The following PIKFYVE variants were observed in gnomAD, a reference collection of about 807,000 sequenced individuals.
PIKFYVE encodes the protein phosphoinositide kinase, FYVE-type zinc finger containing.
A neutral mutation model predicts 257.9 loss-of-function variants in PIKFYVE; 122 were observed. The ratio of observed to expected loss-of-function variants is 0.47; its 90% confidence interval spans 0.41 to 0.55. The LOEUF is 0.55. Ranked by LOEUF, PIKFYVE falls within the 20% of genes least tolerant of loss-of-function variation. The probability of loss-of-function intolerance (pLI) is 0.00; values close to 1 mark genes in which losing one functional copy is unlikely to be tolerated. For missense variants in PIKFYVE, 2,160 were observed against 2,536.6 expected (o/e 0.85, Z 3.19); for synonymous variants, 892 against 868.9 (o/e 1.03, Z -0.47).
chr2:208,342,796 T>TTA, intron 32 of PIKFYVE, 147 bp downstream of exon 32: 7 of 371,182 alleles, frequency 1.9e-5, no homozygotes, highest in Non-Finnish European at 3.3e-5. Context: ...AGCTTGTTCT[T>TTA]TTTTTTTTTT....
At position 208,330,569 on chromosome 2, in the gene PIKFYVE, C is replaced by T; in HGVS notation, c.3838C>T (p.His1280Tyr). The change falls in exon 23 of 42, where the codon CAT becomes TAT. Residue 1280 changes from histidine (H) to tyrosine (Y), a missense_variant. By Grantham distance (83) the His-to-Tyr change is moderately conservative. This residue lies in a region of PIKFYVE where 55 missense variants were observed against 103.0 expected (regional missense o/e 0.53). Coordinates refer to ENST00000264380, the MANE Select transcript of PIKFYVE (RefSeq NM_015040.4). Reference sequence around the variant, plus strand: ...CATGTTCTGTGATACCCCCATGGTACATCATATTCGGCGCTTTGTTCATGG... The same window carrying T: ...CATGTTCTGTGATACCCCCATGGTATATCATATTCGGCGCTTTGTTCATGG... Reference protein sequence around the residue: ...PSMFCDTPMVHHIRRFVHGQG... With the variant: ...PSMFCDTPMVYHIRRFVHGQG... The T allele has an allele frequency of 6.2e-7, 1 of 1,614,158 alleles. No individual in the cohort carries two copies. The highest frequency in any genetic ancestry group is 8.5e-7 in the Non-Finnish European group (1 of 1,180,028).
chr2:208,339,997 AT>A lies in PIKFYVE; in HGVS notation c.4811-9del, dbSNP rs1559157630. On this transcript the variant is annotated splice_polypyrimidine_tract_variant and intron_variant, in intron 30 of 41. Transcript: ENST00000264380. ...GTGAATATTAATATATAAGTAGACT[AT>A]TTTTCATTTTAGATGTGTTTGATGG... 3.7e-6 allele frequency: 6 copies of A among 1,611,030 alleles called. No homozygotes were observed. The Admixed American group carries it at 8.3e-5, about 22-fold the overall frequency.
At chr2:208,317,837 AT>A in intron 15 of PIKFYVE, 29 bp from the exon 16 acceptor site, 1 of 1,560,684 alleles carries the variant, frequency 6.4e-7, no homozygotes, top group Non-Finnish European at 8.8e-7. Context: ...TTATCATTGA[AT>A]TTTATTGTTT....
intron 23 of PIKFYVE, among the ~76,000 whole-genome samples, chr2:208,332,338 T>G (rs1248577260): frequency 2.0e-5 from 3 of 152,184 alleles, no homozygotes; most frequent in Non-Finnish European, 4.4e-5. Context: ...TGGGGGAAAT[T>G]GATATTCTTA....
In PIKFYVE at chr2:208,285,855, C is replaced by T; in HGVS notation, c.743C>T (p.Pro248Leu). The change falls in exon 6 of 42, where the codon CCA (proline) becomes CTA (leucine). Residue 248 changes from proline (P) to leucine (L), a missense_variant. Transcript: ENST00000264380. The part of the protein sequence containing the change: ...DSACSVSVLD[P>L]SEPRTPVGSR... ...GCTTGCTCTGTGTCTGTGCTTGATC[C>T]AAGTGAACCCCGAACACCTGTTGGG... is the stretch of plus-strand genomic sequence containing the variant. The T allele has an allele frequency of 6.2e-7, 1 of 1,614,052 alleles. No homozygotes were observed. The highest frequency in any genetic ancestry group is 8.5e-7 in the Non-Finnish European group (1 of 1,180,012).
At chr2:208,347,709 A>G (rs1242674315) in intron 34 of PIKFYVE, 150 bp from the exon 35 acceptor site, 2 of 712,348 alleles carry the variant, frequency 2.8e-6, no homozygotes, top group Non-Finnish European at 4.8e-6. Flanking sequence ...TAACAACATG[A>G]AGGACAATGT....
intron 5 of PIKFYVE, 44 bp from the exon 6 acceptor site, chr2:208,285,682 T>G: frequency 6.5e-7 from 1 of 1,539,080 alleles, no homozygotes; most frequent in Non-Finnish European, 9.0e-7. Context: ...ACTGCTATCT[T>G]TTCCTTCAAT....
intron 20 of PIKFYVE, 64 bp downstream of exon 20, chr2:208,326,493 C>T: frequency 6.5e-7 from 1 of 1,540,410 alleles, no homozygotes; most frequent in South Asian, 1.1e-5. Flanking sequence ...TCCTCAAAGG[C>T]AGGCTAAAAA....
At chr2:208,306,213 A>G (rs1325627778) in intron 12 of PIKFYVE, among the ~76,000 whole-genome samples, 2 of 152,244 alleles carry the variant, frequency 1.3e-5, no homozygotes, top group African/African-American at 4.8e-5. Flanking sequence ...CTAGCATTGA[A>G]CATGAGTAAG....
rs866761146 is a variant in PIKFYVE, at chr2:208,271,679, C to T, written c.160C>T (p.Arg54Cys). 1.7e-5 allele frequency: 27 copies of T among 1,613,116 alleles called. No individual in the cohort carries two copies. Among genetic ancestry groups the T allele is most frequent in the East Asian group, 4.5e-5 (2 of 44,884 alleles). Residue 54 changes from arginine (R) to cysteine (C), a missense_variant, in exon 2 of 42, where the codon CGT (arginine) becomes TGT (cysteine). By Grantham distance (180) the Arg-to-Cys change is radical. Transcript: ENST00000264380. ...TTATAGTTCTTTTGTAAATCTCTTT[C>T]GTTTTAACAAAGGTAAGACTTATTA... ...SAYSSFVNLF[R>C]FNKERAEGGQ...
At chr2:208,348,587 CAA>C (rs1212538645) in intron 35 of PIKFYVE, among the ~76,000 whole-genome samples, 5 of 98,852 alleles carry the variant, frequency 5.1e-5, no homozygotes, top group South Asian at 3.6e-4. Context: ...CTGTCTCTAC[CAA>C]AAAAAAAAAA....
chr2:208,330,396 T>C, intron 22 of PIKFYVE, 127 bp from the exon 23 acceptor site: 1 of 1,087,672 alleles, frequency 9.2e-7, no homozygotes, highest in Non-Finnish European at 1.4e-6. Flanking sequence ...GAAGACGATG[T>C]TCAGCTGCAG....
At chr2:208,342,401 A>T (rs1698794843) in intron 31 of PIKFYVE, among the ~76,000 whole-genome samples, 153 bp from the exon 32 acceptor site, 1 of 152,168 alleles carries the variant, frequency 6.6e-6, no homozygotes, top group Admixed American at 6.5e-5. Flanking sequence ...ATTAATTCTG[A>T]TAATTTTCTA....
rs929512792 is a variant in PIKFYVE at position 208,357,714 on chromosome 2, A to G, written c.*2409A>G. The G allele has an allele frequency of 6.6e-6, 1 of 152,228 alleles. No individual in the cohort carries two copies. The allele number at this position is 152,228 out of a possible 1,614,324, so 9.4% of individuals were successfully genotyped here. ...TCTTGTTTAGGCCACTATCATAGATATATTTCAAATATTGTACTACTCAGT... is the reference window on the plus strand; with the variant it reads ...TCTTGTTTAGGCCACTATCATAGATGTATTTCAAATATTGTACTACTCAGT... On this transcript the variant is annotated 3_prime_UTR_variant, in exon 42 of 42. Transcript: ENST00000264380.
At chr2:208,312,804 G>C (rs912178413) in intron 13 of PIKFYVE, among the ~76,000 whole-genome samples, 9 of 151,908 alleles carry the variant, frequency 5.9e-5, no homozygotes, top group Non-Finnish European at 1.2e-4. Flanking sequence ...TCCCTACTTA[G>C]CTTAGCTTAG....
chr2:208,278,228 A>C (rs188416605), intron 5 of PIKFYVE, among the ~76,000 whole-genome samples: 37 of 152,258 alleles, frequency 2.4e-4, no homozygotes, highest in South Asian at 6.2e-4. Context: ...AAATTACCTG[A>C]AAAACAAAAC....
chr2:208,337,597 C>A (rs528552379), intron 28 of PIKFYVE, among the ~76,000 whole-genome samples: 67 of 151,942 alleles, frequency 4.4e-4, no homozygotes, highest in African/African-American at 1.5e-3. Context: ...ATCTATCTAT[C>A]TAGATAGATA....
At chr2:208,291,176 C>T (rs1375013287) in intron 7 of PIKFYVE, among the ~76,000 whole-genome samples, 2 of 152,096 alleles carry the variant, frequency 1.3e-5, no homozygotes, top group Non-Finnish European at 2.9e-5. Context: ...GAAGTTTCCT[C>T]TATTCCTAGT....
At chr2:208,346,238 C>A in intron 34 of PIKFYVE, 91 bp downstream of exon 34, 1 of 1,038,454 alleles carries the variant, frequency 9.6e-7, no homozygotes, top group Non-Finnish European at 1.5e-6. Flanking sequence ...TAAGTACTAT[C>A]TGGCAATGAT....
Sources: gnomAD v4.1 joint callset for allele counts (sites outside exome capture counted in the v4.1 genomes callset) on GRCh38, gnomAD v4.1.1 for gene constraint, gnomAD v4.1.1 regional missense constraint, MANE v1.5 for transcripts, NCBI Gene and HGNC (gene_info 2026-07-23, HGNC 2026-07-21) for gene names.